Variants in SLC17A1 observed in about 807,000 individuals in gnomAD.
SLC17A1 encodes solute carrier family 17 member 1, also known as sodium-dependent phosphate transport protein 1.
A neutral mutation model predicts 53.5 loss-of-function variants in SLC17A1; 51 were observed. The ratio of observed to expected loss-of-function variants is 0.95; its 90% CI spans 0.76 to 1.20. The LOEUF is 1.20. SLC17A1 is among the 50% of genes most tolerant of loss of function. The probability of loss-of-function intolerance (pLI) is 0.00; values close to 1 mark genes in which losing one functional copy is unlikely to be tolerated. For synonymous variants in SLC17A1, 179 were observed against 198.8 expected, an observed-to-expected ratio of 0.90 and a Z score of 0.84; for missense variants, 538 against 568.2, an observed-to-expected ratio of 0.95 and a Z score of 0.54.
At chr6:25,806,409 C>G (rs1170327570) in intron 10 of SLC17A1, among the ~76,000 whole-genome samples, 1 of 152,052 alleles carries the variant, frequency 6.6e-6, no homozygotes, top group Non-Finnish European at 1.5e-5. Context: ...ATAGCAAACA[C>G]AACCAACATC....
the SLC17A1 span, among the ~76,000 whole-genome samples, chr6:25,730,145 A>G: frequency 6.6e-6 from 1 of 152,174 alleles, no homozygotes; most frequent in Non-Finnish European, 1.5e-5. Context: ...TAATCCAACA[A>G]TCCTACTACT....
chr6:25,790,038 A>G (rs1309401400), intron 12 of SLC17A1, among the ~76,000 whole-genome samples: 1 of 152,116 alleles, frequency 6.6e-6, no homozygotes, highest in Non-Finnish European at 1.5e-5. Flanking sequence ...ATGGTTAAGG[A>G]AAAAAAGCTC....
chr6:25,810,876 G>A (rs374700322), intron 10 of SLC17A1, among the ~76,000 whole-genome samples: 8 of 152,072 alleles, frequency 5.3e-5, no homozygotes, highest in East Asian at 3.8e-4. Flanking sequence ...CAGATGAATG[G>A]CATAACAAAC....
chr6:25,726,040 C>G, the SLC17A1 span: 1 of 1,185,136 alleles, frequency 8.4e-7, no homozygotes, highest in Non-Finnish European at 1.2e-6. Flanking sequence ...CGTTTTGTAA[C>G]GTACAGCCTT....
chr6:25,829,225 G>A (rs993422639), intron 2 of SLC17A1, among the ~76,000 whole-genome samples: 9 of 152,058 alleles, frequency 5.9e-5, no homozygotes, highest in African/African-American at 2.2e-4. Context: ...CTAGCGATGC[G>A]ATAGTGTATA....
At chr6:25,745,722 A>G in the SLC17A1 span, among the ~76,000 whole-genome samples, 9 of 152,224 alleles carry the variant, frequency 5.9e-5, no homozygotes, top group Non-Finnish European at 4.4e-5. Flanking sequence ...CAAAGTAACC[A>G]AAACAGATGA....
chr6:25,787,699 T>C (rs1763414605), intron 12 of SLC17A1, among the ~76,000 whole-genome samples: 2 of 152,238 alleles, frequency 1.3e-5, no homozygotes, highest in Admixed American at 1.3e-4. Context: ...TGAGTTATTC[T>C]TTCAGGTCCT....
chr6:25,775,084 C>T, the SLC17A1 span, among the ~76,000 whole-genome samples: 3 of 152,138 alleles, frequency 2.0e-5, no homozygotes, highest in Non-Finnish European at 4.4e-5. Context: ...AATCCCAACA[C>T]TTTGGGAGGA....
chr6:25,813,343 G>A (rs1346768514), intron 6 of SLC17A1, 130 bp from the exon 7 acceptor site: 1 of 740,066 alleles, frequency 1.4e-6, no homozygotes, highest in Non-Finnish European at 2.3e-6. Flanking sequence ...TTTTCAACAA[G>A]ACTTGTGTTT....
chr6:25,806,167 G>C (rs552566709), intron 10 of SLC17A1, among the ~76,000 whole-genome samples: 6 of 152,080 alleles, frequency 3.9e-5, no homozygotes, highest in African/African-American at 1.4e-4. Context: ...GCATCAAATA[G>C]ATAGAATAAT....
At chr6:25,783,788 C>T (rs546119935) in intron 12 of SLC17A1, among the ~76,000 whole-genome samples, 1 of 152,098 alleles carries the variant, frequency 6.6e-6, no homozygotes, top group Non-Finnish European at 1.5e-5. Flanking sequence ...CCTGCACCCA[C>T]CACACACTCT....
intron 12 of SLC17A1, among the ~76,000 whole-genome samples, chr6:25,788,516 G>T (rs1412820444): frequency 6.6e-6 from 1 of 152,180 alleles, no homozygotes; most frequent in Non-Finnish European, 1.5e-5. Flanking sequence ...TTGTGTTCAT[G>T]CAGGAGGACA....
chr6:25,737,469 G>A, the SLC17A1 span, among the ~76,000 whole-genome samples: 361 of 151,982 alleles, frequency 2.4e-3, 3 homozygotes, highest in Non-Finnish European at 2.1e-3. Flanking sequence ...CCAAATTTTC[G>A]GGGAGGTTAG....
chr6:25,790,878 A>G (rs1763485930), intron 12 of SLC17A1, among the ~76,000 whole-genome samples: 3 of 152,322 alleles, frequency 2.0e-5, no homozygotes, highest in South Asian at 4.1e-4. Flanking sequence ...CGAAAACACA[A>G]GAATCTATTA....
chr6:25,792,832 A>C (rs945833369), intron 12 of SLC17A1, among the ~76,000 whole-genome samples: 10 of 151,602 alleles, frequency 6.6e-5, no homozygotes, highest in Admixed American at 1.3e-4. Context: ...GCTGCTTCTC[A>C]CCCTCTCCCC....
At chr6:25,726,676 T>G in the SLC17A1 span, 1 of 1,140,456 alleles carries the variant, frequency 8.8e-7, no homozygotes, top group Non-Finnish European at 1.2e-6. Flanking sequence ...TCGCCTCATT[T>G]GCATTCACGC....
downstream of SLC17A1, chr6:25,779,477 A>G (rs1345799433): frequency 1.4e-5 from 4 of 289,082 alleles, no homozygotes; most frequent in Non-Finnish European, 2.6e-5. Flanking sequence ...CCAAAGCAAA[A>G]GAGGAAGCCA....
At chr6:25,732,994 C>T in the SLC17A1 span, among the ~76,000 whole-genome samples, 1 of 152,162 alleles carries the variant, frequency 6.6e-6, no homozygotes, top group Non-Finnish European at 1.5e-5. Flanking sequence ...AATGCTGTTT[C>T]GTCAATAAGA....
chr6:25,750,538 A>G, the SLC17A1 span, among the ~76,000 whole-genome samples: 1 of 152,130 alleles, frequency 6.6e-6, no homozygotes, highest in African/African-American at 2.4e-5. Context: ...GGTCTTGTGC[A>G]AGTATCAAAT....
Sources: allele counts gnomAD v4.1 joint callset (sites outside exome capture counted in the v4.1 genomes callset), GRCh38; gene constraint gnomAD v4.1.1; transcripts MANE v1.5; gene names NCBI Gene and HGNC (gene_info 2026-07-23, HGNC 2026-07-21).